The following RREB1 variants were observed in gnomAD, a reference collection of about 807,000 sequenced individuals.
RREB1 encodes ras-responsive element-binding protein 1.
In RREB1, 27 loss-of-function variants were observed where a neutral mutation model predicts 117.8. The ratio of observed to expected loss-of-function variants is 0.23; its 90% CI spans 0.17 to 0.32. The LOEUF is 0.32. RREB1 is among the 10% of genes least tolerant of loss of function. RREB1 has a pLI of 1.00. For missense variants in RREB1, 2,577 were observed against 2,378.2 expected, an observed-to-expected ratio of 1.08 and a Z score of -1.74; for synonymous variants, 1,298 against 1,026.7, an observed-to-expected ratio of 1.26 and a Z score of -5.05.
intron 1 of RREB1, among the ~76,000 whole-genome samples, chr6:7,138,332 G>T (rs567771853): frequency 5.3e-5 from 8 of 152,068 alleles, no homozygotes; most frequent in African/African-American, 1.9e-4. Context: ...GGAAAACTTC[G>T]GCACACACCC....
At chr6:7,165,095 A>G (rs1763860222) in intron 1 of RREB1, among the ~76,000 whole-genome samples, 1 of 152,254 alleles carries the variant, frequency 6.6e-6, no homozygotes, top group Non-Finnish European at 1.5e-5. Flanking sequence ...ACAGAGGCAC[A>G]AGGAGTGCTA....
Position 7,249,330 on chromosome 6 carries a change from G to A in RREB1, c.*362G>A. 4.7e-6 allele frequency: 1 copy of A among 213,228 alleles called. No individual in the cohort carries two copies. Among genetic ancestry groups the A allele is most frequent in the South Asian group, 1.6e-4 (1 of 6,206 alleles). The allele number at this position is 213,228 out of a possible 1,614,324, so 13.2% of individuals were successfully genotyped here. On this transcript the variant is annotated 3_prime_UTR_variant, in exon 13 of 13. Coordinates refer to ENST00000379938, the MANE Select transcript of RREB1 (RefSeq NM_001003699.4). Reference sequence around the variant, plus strand: ...CATTAGCGTTATTTTGTATTGGTGTGTGTGAGCTTGTTCTTGTGAATCTGT... The same window carrying A: ...CATTAGCGTTATTTTGTATTGGTGTATGTGAGCTTGTTCTTGTGAATCTGT...
chr6:7,140,879 C>G (rs1475942781), intron 1 of RREB1: 1 of 152,250 alleles, frequency 6.6e-6, no homozygotes, highest in East Asian at 1.9e-4. Flanking sequence ...GCGTGGGTGA[C>G]CCGTGCCCCG....
At position 7,248,842 on chromosome 6, in the gene RREB1, G is replaced by C; in HGVS notation, c.5103G>C (p.Gln1701His). The C allele has an allele frequency of 6.2e-7, 1 of 1,611,096 alleles. No individual in the cohort carries two copies. Among genetic ancestry groups the C allele is most frequent in the Non-Finnish European group, 8.5e-7 (1 of 1,178,888 alleles). ...CAGGGTGGCCGTCTGAGCCTGGCCA[G>C]GGTGACCTTAACCCAGAGAGCCCGG... ...VTAGWPSEPG[Q>H]GDLNPESPAA... Residue 1701 changes from glutamine to histidine, a missense_variant, in exon 13 of 13, where the codon CAG becomes CAC. Physicochemically the swap from Gln to His is conservative, Grantham distance 24. Coordinates refer to ENST00000379938, the MANE Select transcript of RREB1 (RefSeq NM_001003699.4).
chr6:7,148,936 T>G (rs1762993006), intron 1 of RREB1, among the ~76,000 whole-genome samples: 1 of 152,198 alleles, frequency 6.6e-6, no homozygotes, highest in African/African-American at 2.4e-5. Flanking sequence ...TTCCCTTTAT[T>G]TTTTGAGACA....
Position 7,226,638 on chromosome 6 carries a change from G to T in RREB1, c.879G>T (p.Lys293Asn). 1 of 1,614,004 alleles carries T rather than the reference G, an allele frequency of 6.2e-7. No individual in the cohort carries two copies. Among genetic ancestry groups the T allele is most frequent in the Non-Finnish European group, 8.5e-7 (1 of 1,179,942 alleles). The part of the protein sequence containing the change: ...DLGFTDFSCR[K>N]FPRISQAWCE... The stretch of plus-strand genomic sequence containing the variant: ...GATTCACGGACTTCTCCTGTAGGAA[G>T]TTTCCTCGCATTTCTCAGGTATTCT... Residue 293 changes from lysine (K) to asparagine (N), a missense_variant, in exon 9 of 13, where the codon AAG becomes AAT. Transcript: ENST00000379938.
At chr6:7,126,721 C>T (rs1188479891) in intron 1 of RREB1, among the ~76,000 whole-genome samples, 1 of 152,194 alleles carries the variant, frequency 6.6e-6, no homozygotes, top group Non-Finnish European at 1.5e-5. Flanking sequence ...GAGAAGCAAT[C>T]TGGATTAGGA....
intron 8 of RREB1, among the ~76,000 whole-genome samples, chr6:7,223,997 T>A (rs948244984): frequency 6.6e-6 from 1 of 152,084 alleles, no homozygotes; most frequent in African/African-American, 2.4e-5. Context: ...TGGAAACTTA[T>A]GTTGGAAAGG....
intron 2 of RREB1, among the ~76,000 whole-genome samples, chr6:7,179,304 A>G (rs1248038589): frequency 1.3e-5 from 2 of 152,138 alleles, no homozygotes; most frequent in East Asian, 3.8e-4. Flanking sequence ...TGCTTTTAAA[A>G]TTTGAGATGG....
intron 1 of RREB1, among the ~76,000 whole-genome samples, chr6:7,121,132 T>C (rs1761663559): frequency 1.3e-5 from 2 of 152,122 alleles, no homozygotes; most frequent in Non-Finnish European, 2.9e-5. Context: ...CCAGTTTTTG[T>C]ATTTTTTTGT....
intron 1 of RREB1, among the ~76,000 whole-genome samples, chr6:7,149,633 T>A (rs1347309703): frequency 6.6e-6 from 1 of 152,234 alleles, no homozygotes; most frequent in Non-Finnish European, 1.5e-5. Context: ...TGAGGAATAA[T>A]CCTAACTTGG....
intron 10 of RREB1, among the ~76,000 whole-genome samples, chr6:7,240,138 T>G (rs569583526): frequency 6.6e-6 from 1 of 152,372 alleles, no homozygotes; most frequent in Non-Finnish European, 1.5e-5. Flanking sequence ...CGCTTTTTTT[T>G]GTTGTCGTTA....
rs774104633 is a variant in RREB1 at position 7,231,838 on chromosome 6, A to G, written c.3739A>G (p.Thr1247Ala). The change falls in exon 10 of 13, where the codon ACC becomes GCC. Residue 1247 changes from threonine to alanine, a missense_variant. Transcript: ENST00000379938. ...NSYTNCLQKI[T>A]CPHCPRVFPW... ...GTACACCAACTGCCTGCAGAAGATC[A>G]CCTGTCCCCACTGTCCCCGGGTTTT... is the stretch of plus-strand genomic sequence containing the variant. The G allele has an allele frequency of 1.9e-6, 3 of 1,613,444 alleles. No homozygotes were observed. In the East Asian group the frequency reaches 6.7e-5, roughly 36 times the overall value.
rs143237003 is a variant in RREB1 at position 7,186,649 on chromosome 6, T to C, written c.172-785T>C. Among the ~76,000 whole-genome samples the C allele has an allele frequency of 4.5e-4, 69 of 152,324 alleles. No homozygotes were observed. The East Asian group carries it at 0.013, about 29-fold the overall frequency. On this transcript the variant is annotated intron_variant, in intron 4 of 12. Transcript: ENST00000379938. ...GCATGAATTATTTGGAAAGAGGATC[T>C]GTAGCATAGGGTTAGTGAACGACAT...
chr6:7,164,072 G>T (rs568023625), intron 1 of RREB1, among the ~76,000 whole-genome samples: 2 of 152,106 alleles, frequency 1.3e-5, no homozygotes, highest in East Asian at 3.9e-4. Flanking sequence ...TAAGTTCTGT[G>T]GGGGGACAGC....
chr6:7,217,901 A>T (rs1464957560), intron 8 of RREB1: 1 of 152,230 alleles, frequency 6.6e-6, no homozygotes, highest in African/African-American at 2.4e-5. Flanking sequence ...GGCAGAGAAC[A>T]TGAAAGCAAT....
rs377330487 is a variant in RREB1 at position 7,187,502 on chromosome 6, G to C, written c.240G>C (p.Gln80His). 4 of 1,554,456 alleles carry C rather than the reference G, an allele frequency of 2.6e-6. No individual in the cohort carries two copies. The highest frequency in any genetic ancestry group is 3.5e-6 in the Non-Finnish European group (4 of 1,143,796). Residue 80 changes from glutamine to histidine, a missense_variant, in exon 5 of 13, where the codon CAG becomes CAC. Transcript: ENST00000379938. ...LCEKICTTQH[Q>H]LTMHIRQHNT... ...AGAAGATTTGCACTACCCAGCACCAGCTGACCATGCACATTCGCCAGGTAG... is the reference window on the plus strand; with the variant it reads ...AGAAGATTTGCACTACCCAGCACCACCTGACCATGCACATTCGCCAGGTAG...
intron 8 of RREB1, among the ~76,000 whole-genome samples, chr6:7,220,305 T>C (rs1216571107): frequency 1.3e-5 from 2 of 152,202 alleles, no homozygotes; most frequent in Admixed American, 1.3e-4. Context: ...TGAGCAGTGA[T>C]TTGGAGTTCA....
chr6:7,242,121 C>T (rs551996596), intron 11 of RREB1, among the ~76,000 whole-genome samples: 21 of 152,206 alleles, frequency 1.4e-4, no homozygotes, highest in Non-Finnish European at 3.1e-4. Context: ...CGAAAGCAGC[C>T]GGTAACTGAG....
Sources: allele counts gnomAD v4.1 joint callset (sites outside exome capture counted in the v4.1 genomes callset), GRCh38; gene constraint gnomAD v4.1.1; transcripts MANE v1.5; gene names NCBI Gene and HGNC (gene_info 2026-07-23, HGNC 2026-07-21).